Variants in CIRSR observed in about 807,000 individuals in gnomAD.
CIRSR encodes corepressor of RBPJ and splicing regulator.
the CIRSR span, chr2:174,395,685 G>T: frequency 8.7e-6 from 14 of 1,613,094 alleles, no homozygotes; most frequent in Non-Finnish European, 1.2e-5. Flanking sequence ...AAACTCAGCC[G>T]CCTAACCGGA....
the CIRSR span, among the ~76,000 whole-genome samples, chr2:174,354,768 A>T: frequency 4.4e-3 from 296 of 67,274 alleles, 1 homozygote; most frequent in African/African-American, 9.2e-3. Context: ...ATATATATAT[A>T]TATTTTTTTT....
the CIRSR span, among the ~76,000 whole-genome samples, chr2:174,367,773 T>G: frequency 7.0e-6 from 1 of 142,592 alleles, no homozygotes; most frequent in Non-Finnish European, 1.5e-5. Flanking sequence ...AAAGACTATT[T>G]GAGTAGATAA....
the CIRSR span, chr2:174,351,917 T>C: frequency 3.7e-5 from 16 of 430,388 alleles, no homozygotes; most frequent in Non-Finnish European, 6.6e-5. Context: ...AGAAAATAAT[T>C]GCATTTTTCT....
At chr2:174,359,445 A>T in the CIRSR span, among the ~76,000 whole-genome samples, 2 of 152,104 alleles carry the variant, frequency 1.3e-5, no homozygotes, top group Non-Finnish European at 2.9e-5. Flanking sequence ...CTATGAGAAG[A>T]CCTCTGCATA....
the CIRSR span, among the ~76,000 whole-genome samples, chr2:174,356,929 T>C: frequency 6.6e-6 from 1 of 152,182 alleles, no homozygotes; most frequent in Non-Finnish European, 1.5e-5. Flanking sequence ...ATTTTTTTCA[T>C]AGAATATTTT....
chr2:174,372,149 C>A, the CIRSR span, among the ~76,000 whole-genome samples: 1 of 152,102 alleles, frequency 6.6e-6, no homozygotes. Flanking sequence ...AATTTTAAGT[C>A]AAACTTTAAA....
At chr2:174,369,092 T>A in the CIRSR span, among the ~76,000 whole-genome samples, 1 of 152,250 alleles carries the variant, frequency 6.6e-6, no homozygotes, top group East Asian at 1.9e-4. Flanking sequence ...CTTTTTCCAA[T>A]AGAAGGCTGT....
At chr2:174,356,599 G>A in the CIRSR span, among the ~76,000 whole-genome samples, 2 of 116,564 alleles carry the variant, frequency 1.7e-5, no homozygotes, top group Admixed American at 1.9e-4. Flanking sequence ...AAGAGGGAGG[G>A]AGGGAAGAAG....
chr2:174,355,130 G>A, the CIRSR span, among the ~76,000 whole-genome samples: 1 of 152,078 alleles, frequency 6.6e-6, no homozygotes. Flanking sequence ...TATTATGACA[G>A]AGGCTACGTA....
chr2:174,392,837 C>G, the CIRSR span, among the ~76,000 whole-genome samples: 1 of 152,070 alleles, frequency 6.6e-6, no homozygotes, highest in Admixed American at 6.5e-5. Context: ...CATCAAGATG[C>G]AAATGTCTAG....
At chr2:174,348,290 C>A in the CIRSR span, 6 of 692,898 alleles carry the variant, frequency 8.7e-6, no homozygotes, top group Non-Finnish European at 1.3e-5. Flanking sequence ...AGCTTACTTA[C>A]AAATATTTGC....
chr2:174,361,123 G>T, the CIRSR span, among the ~76,000 whole-genome samples: 1 of 152,188 alleles, frequency 6.6e-6, no homozygotes, highest in Non-Finnish European at 1.5e-5. Flanking sequence ...AGTTGAAATG[G>T]TGCCTAACTT....
At chr2:174,377,594 A>T in the CIRSR span, among the ~76,000 whole-genome samples, 2 of 151,892 alleles carry the variant, frequency 1.3e-5, no homozygotes, top group Non-Finnish European at 2.9e-5. Flanking sequence ...AGGCAGGTGG[A>T]TCAATTTGAG....
At chr2:174,380,122 A>T in the CIRSR span, 1 of 975,500 alleles carries the variant, frequency 1.0e-6, no homozygotes, top group South Asian at 1.7e-5. Context: ...TTTTCAGCTT[A>T]AACACCTTTT....
chr2:174,369,063 T>C, the CIRSR span, among the ~76,000 whole-genome samples: 52 of 152,350 alleles, frequency 3.4e-4, no homozygotes, highest in Admixed American at 9.8e-4. Context: ...CTGCTAGCTA[T>C]GAAAGTCGTA....
chr2:174,387,519 TGGTCATCTACA>T, the CIRSR span: 1 of 591,714 alleles, frequency 1.7e-6, no homozygotes, highest in East Asian at 3.6e-5. Flanking sequence ...CTGGAAAAAG[TGGTCATCTACA>T]GGTATGAGAG....
chr2:174,394,899 A>ATCCTTAAT, the CIRSR span, among the ~76,000 whole-genome samples: 1 of 152,220 alleles, frequency 6.6e-6, no homozygotes, highest in Non-Finnish European at 1.5e-5. Context: ...TAAGTCAATC[A>ATCCTTAAT]TCCTTAATTT....
the CIRSR span, among the ~76,000 whole-genome samples, chr2:174,375,453 C>A: frequency 6.6e-6 from 1 of 151,964 alleles, no homozygotes; most frequent in African/African-American, 2.4e-5. Flanking sequence ...ACAAAAAGTA[C>A]AAAAATTAGC....
At chr2:174,379,280 T>C in the CIRSR span, among the ~76,000 whole-genome samples, 1 of 152,248 alleles carries the variant, frequency 6.6e-6, no homozygotes, top group Non-Finnish European at 1.5e-5. Context: ...CAATATAATG[T>C]CATCCAAAAA....
Sources: allele counts gnomAD v4.1 joint callset (sites outside exome capture counted in the v4.1 genomes callset), GRCh38; gene constraint gnomAD v4.1.1; transcripts MANE v1.5; gene names NCBI Gene and HGNC (gene_info 2026-07-23, HGNC 2026-07-21).